The following KIF2A variants were observed in gnomAD, a reference collection of about 807,000 sequenced individuals.
KIF2A encodes the protein kinesin family member 2A, also known as kinesin-like protein KIF2A.
KIF2A carries 22 observed loss-of-function variants against 100.2 expected under a neutral mutation model. The ratio of observed to expected loss-of-function variants is 0.22; its 90% CI spans 0.16 to 0.31. The LOEUF (loss-of-function observed/expected upper bound fraction) is 0.31, where lower values mean the gene tolerates loss of function less well. KIF2A is among the 10% of genes least tolerant of loss of function. The pLI is 1.00. For synonymous variants in KIF2A, 268 were observed against 285.9 expected (o/e 0.94, Z 0.63); for missense variants, 495 against 898.7 (o/e 0.55, Z 5.74).
intron 1 of KIF2A, among the ~76,000 whole-genome samples, chr5:62,346,285 T>A (rs1210321931): frequency 6.6e-6 from 1 of 152,104 alleles, no homozygotes; most frequent in African/African-American, 2.4e-5. Flanking sequence ...AGGAATAGAA[T>A]AGATTTGGAT....
In KIF2A at chr5:62,363,740, T is replaced by C; in HGVS notation, c.1308T>C (p.His436=). The C allele has an allele frequency of 1.2e-6, 2 of 1,613,960 alleles. No individual in the cohort carries two copies. Among genetic ancestry groups the C allele is most frequent in the Non-Finnish European group, 1.7e-6 (2 of 1,179,850 alleles). The stretch of plus-strand genomic sequence containing the variant: ...CAAATGCACATTCATCTCGGAGCCA[T>C]GCAGTGTTTCAGATTATTCTTAGAA... ...TSANAHSSRS[H]AVFQIILRRK... is the part of the protein sequence containing the mutation. Residue 436 remains histidine (H), a synonymous_variant, in exon 14 of 21, where the codon CAT becomes CAC. Coordinates refer to ENST00000407818, the MANE Select transcript of KIF2A (RefSeq NM_001098511.3).
At chr5:62,321,359 T>C (rs759298092) in intron 1 of KIF2A, among the ~76,000 whole-genome samples, 2 of 152,204 alleles carry the variant, frequency 1.3e-5, no homozygotes, top group African/African-American at 2.4e-5. Context: ...AAAGTGGCTA[T>C]ATTATTTTGC....
At chr5:62,376,305 T>C (rs1193818326) in intron 18 of KIF2A, among the ~76,000 whole-genome samples, 1 of 152,306 alleles carries the variant, frequency 6.6e-6, no homozygotes, top group East Asian at 1.9e-4. Flanking sequence ...TTTAGTTAAG[T>C]ATTGGTGCGT....
At chr5:62,312,247 A>G (rs12655562) in intron 1 of KIF2A, among the ~76,000 whole-genome samples, 8,269 of 152,272 alleles carry the variant, frequency 0.054, 321 homozygotes, top group East Asian at 0.13. Flanking sequence ...CTCTGGGGAA[A>G]GGCTATGTGT....
At chr5:62,331,730 A>G (rs1233362823) in intron 1 of KIF2A, among the ~76,000 whole-genome samples, 1 of 149,914 alleles carries the variant, frequency 6.7e-6, no homozygotes, top group African/African-American at 2.5e-5. Context: ...ATATACCACA[A>G]TCCTATGATT....
At chr5:62,325,556 A>G (rs954033369) in intron 1 of KIF2A, among the ~76,000 whole-genome samples, 9 of 152,358 alleles carry the variant, frequency 5.9e-5, no homozygotes, top group African/African-American at 9.6e-5. Flanking sequence ...CAACATCACT[A>G]ATCATTTGAG....
intron 1 of KIF2A, 62 bp downstream of exon 1, chr5:62,306,598 G>A: frequency 7.3e-7 from 1 of 1,375,866 alleles, no homozygotes; most frequent in South Asian, 1.3e-5. Context: ...GCACGGAGGG[G>A]ACGCGGGCGC....
At chr5:62,330,462 G>A (rs1056018924) in intron 1 of KIF2A, among the ~76,000 whole-genome samples, 1 of 152,216 alleles carries the variant, frequency 6.6e-6, no homozygotes, top group Admixed American at 6.5e-5. Context: ...TAATTTATCT[G>A]GTGTGGAATG....
intron 1 of KIF2A, among the ~76,000 whole-genome samples, chr5:62,320,441 T>C (rs189165508): frequency 2.6e-5 from 4 of 152,350 alleles, no homozygotes; most frequent in South Asian, 2.1e-4. Flanking sequence ...TTGTCTTCCA[T>C]AGATATGAAT....
intron 1 of KIF2A, among the ~76,000 whole-genome samples, chr5:62,313,569 G>C (rs562870692): frequency 7.5e-4 from 114 of 152,220 alleles, no homozygotes; most frequent in Non-Finnish European, 1.2e-3. Flanking sequence ...TGGCCAGGCT[G>C]GTCTTGAACT....
chr5:62,364,186 C>T lies in KIF2A; in HGVS notation c.1467+287C>T, dbSNP rs186587721. 6.0e-5 allele frequency among the ~76,000 whole-genome samples: 9 copies of T among 149,466 alleles called. No individual in the cohort carries two copies. In the South Asian group the frequency reaches 8.4e-4, roughly 14 times the overall value. On this transcript the variant is annotated intron_variant, in intron 14 of 20. Transcript: ENST00000407818. ...TTTTTGAGACTGTGTCTTGCTCTTT[C>T]GCCCAGGCTGGAGTGCAGTGACACA... is the stretch of plus-strand genomic sequence containing the variant.
chr5:62,384,885 A>AT (rs1345151159), intron 20 of KIF2A, among the ~76,000 whole-genome samples: 1 of 152,274 alleles, frequency 6.6e-6, no homozygotes, highest in East Asian at 1.9e-4. Flanking sequence ...GCTCATGCCT[A>AT]TAATCCCAGC....
At chr5:62,358,770 A>AG (rs1386992083) in intron 9 of KIF2A, among the ~76,000 whole-genome samples, 2 of 152,040 alleles carry the variant, frequency 1.3e-5, no homozygotes, top group African/African-American at 4.8e-5. Context: ...TTCCAGGCTC[A>AG]GGTGATCCTC....
chr5:62,349,970 G>A, intron 3 of KIF2A, 96 bp from the exon 4 acceptor site: 1 of 715,374 alleles, frequency 1.4e-6, no homozygotes, highest in South Asian at 1.8e-5. Flanking sequence ...ATTCTTACAT[G>A]TCTGCCTACT....
chr5:62,364,842 C>A (rs1167922677), intron 14 of KIF2A, among the ~76,000 whole-genome samples: 4 of 152,282 alleles, frequency 2.6e-5, no homozygotes, highest in African/African-American at 9.6e-5. Context: ...CGTCTGTAAT[C>A]CCAGCACTTT....
At chr5:62,339,276 C>G (rs1219981458) in intron 1 of KIF2A, among the ~76,000 whole-genome samples, 1 of 86,518 alleles carries the variant, frequency 1.2e-5, no homozygotes, top group Admixed American at 1.0e-4. Context: ...GGACAGCACT[C>G]ATCACCAAGG....
intron 7 of KIF2A, among the ~76,000 whole-genome samples, chr5:62,355,995 G>T (rs1748087824): frequency 6.6e-6 from 1 of 151,932 alleles, no homozygotes; most frequent in Non-Finnish European, 1.5e-5. Flanking sequence ...TGGTCAGGCT[G>T]GTCTCGAACT....
chr5:62,376,429 TG>T (rs1741549833), intron 18 of KIF2A, among the ~76,000 whole-genome samples: 1 of 152,070 alleles, frequency 6.6e-6, no homozygotes, highest in African/African-American at 2.4e-5. Context: ...TTTGTTTGTT[TG>T]TTTTTTTGAG....
intron 1 of KIF2A, among the ~76,000 whole-genome samples, chr5:62,315,511 T>C (rs1412852217): frequency 6.6e-6 from 1 of 152,194 alleles, no homozygotes; most frequent in Non-Finnish European, 1.5e-5. Flanking sequence ...GAGAGGAAGA[T>C]GACCAGTCGG....
Sources: allele counts gnomAD v4.1 joint callset (sites outside exome capture counted in the v4.1 genomes callset), GRCh38; gene constraint gnomAD v4.1.1; transcripts MANE v1.5; gene names NCBI Gene and HGNC (gene_info 2026-07-23, HGNC 2026-07-21).